Variants in ABCC12 observed in about 807,000 individuals in gnomAD.
ABCC12 encodes the protein ATP binding cassette subfamily C member 12.
Under a neutral mutation model 151.1 loss-of-function variants are expected in ABCC12, and 142 were observed. The ratio of observed to expected loss-of-function variants is 0.94; its 90% CI spans 0.82 to 1.08. The LOEUF (loss-of-function observed/expected upper bound fraction) is 1.08. ABCC12 is among the 50% of genes least tolerant of loss of function. ABCC12 has a pLI of 0.00. For synonymous variants in ABCC12, 645 were observed against 646.4 expected (o/e 1.00, Z 0.03); for missense variants, 1,638 against 1,691.1 (o/e 0.97, Z 0.55).
At chr16:48,140,941 G>A (rs1366346021) in intron 5 of ABCC12, 21 bp from the exon 6 acceptor site, 2 of 1,604,000 alleles carry the variant, frequency 1.2e-6, no homozygotes, top group Admixed American at 3.3e-5. Flanking sequence ...GCATGGTGGG[G>A]AGAAGAGAGG....
chr16:48,101,460 A>T (rs115978441), intron 22 of ABCC12, among the ~76,000 whole-genome samples: 29 of 152,256 alleles, frequency 1.9e-4, no homozygotes, highest in Middle Eastern at 3.4e-3. Flanking sequence ...TTTTGAATGA[A>T]CGTCATTATA....
chr16:48,137,132 G>GC (rs112493768), intron 8 of ABCC12, among the ~76,000 whole-genome samples: 7,899 of 152,244 alleles, frequency 0.052, 696 homozygotes, highest in African/African-American at 0.18. Context: ...TAGATGTCTT[G>GC]CATAGTCCAG....
intron 15 of ABCC12, 57 bp from the exon 16 acceptor site, chr16:48,111,967 A>T (rs1963711242): frequency 6.3e-7 from 1 of 1,580,636 alleles, no homozygotes; most frequent in Non-Finnish European, 8.6e-7. Context: ...GCCCATGCCA[A>T]ACTCCTCTCC....
rs573408353 is a variant in ABCC12 at position 48,139,190 on chromosome 16, T to G, written c.804A>C (p.Ser268=). Residue 268 remains serine (S), a synonymous_variant, in exon 7 of 31, where the codon TCA becomes TCC. Coordinates refer to ENST00000311303, the MANE Select transcript of ABCC12 (RefSeq NM_001393797.1). ...ILGPTALIGI[S]VYVIFIPVQM... ...GGACGGGTATGAATATGACATACAC[T>G]GATATCCCGATGAGAGCTGTGGGCC... 124 of 1,612,246 alleles carry G rather than the reference T, an allele frequency of 7.7e-5. No individual in the cohort carries two copies. Among genetic ancestry groups the G allele is most frequent in the Admixed American group, 3.5e-4 (21 of 59,374 alleles).
intron 9 of ABCC12, 51 bp from the exon 10 acceptor site, chr16:48,130,946 C>T (rs1407389940): frequency 5.9e-6 from 8 of 1,345,602 alleles, no homozygotes; most frequent in African/African-American, 1.4e-5. Context: ...GTCACGTTGG[C>T]TCTAAACCGT....
intron 23 of ABCC12, among the ~76,000 whole-genome samples, chr16:48,098,090 G>GACATAC (rs1963167388): frequency 8.2e-6 from 1 of 121,912 alleles, no homozygotes; most frequent in African/African-American, 3.1e-5. Flanking sequence ...TGCCCCACCT[G>GACATAC]ACACACACAC....
At chr16:48,118,223 G>T (rs16945828) in intron 13 of ABCC12, among the ~76,000 whole-genome samples, 4,885 of 152,308 alleles carry the variant, frequency 0.032, 227 homozygotes, top group African/African-American at 0.11. Context: ...GAGGAACCTA[G>T]GAACGTCCGT....
At chr16:48,091,317 G>GC in intron 24 of ABCC12, 108 bp from the exon 25 acceptor site, 1 of 949,802 alleles carries the variant, frequency 1.1e-6, no homozygotes, top group Non-Finnish European at 1.7e-6. Flanking sequence ...CCTGCCTAGC[G>GC]CAAGACAGCA....
chr16:48,087,970 C>CA lies in ABCC12; in HGVS notation c.3590dup (p.Thr1198AspfsTer22). 6.2e-7 allele frequency: 1 copy of CA among 1,614,214 alleles called. No homozygotes were observed. The highest frequency in any genetic ancestry group is 8.5e-7 in the Non-Finnish European group (1 of 1,180,038). On this transcript the variant is annotated frameshift_variant, in exon 27 of 31. Coordinates refer to ENST00000311303, the MANE Select transcript of ABCC12 (RefSeq NM_001393797.1). LOFTEE classifies it high-confidence loss of function. ...GGACAGGATCCTGTGGGATCACAGT[C>CA]AGCTTGGTTCTGAGGTCTTCCAAGC...
Position 48,138,358 on chromosome 16 carries a change from G to C in ABCC12, c.849C>G (p.Leu283=). 1.2e-6 allele frequency: 2 copies of C among 1,613,408 alleles called. No individual in the cohort carries two copies. The highest frequency in any genetic ancestry group is 1.7e-6 in the Non-Finnish European group (2 of 1,179,480). The change falls in exon 8 of 31, where the codon CTC becomes CTG. Residue 283 remains leucine, a synonymous_variant. Transcript: ENST00000311303. ...FIPVQMFMAK[L]NSAFRRSAIL... is the part of the protein sequence containing the mutation. The stretch of plus-strand genomic sequence containing the variant: ...TTGCTGACCTTCGGAAAGCTGAATT[G>C]AGCTTGGCCATAAACATCTGAAATC...
chr16:48,081,598 C>T lies in ABCC12; in HGVS notation c.*2117G>A, dbSNP rs955233304. Among the ~76,000 whole-genome samples, 1 of 152,190 alleles carries T rather than the reference C, an allele frequency of 6.6e-6. No individual in the cohort carries two copies. Among genetic ancestry groups the T allele is most frequent in the Non-Finnish European group, 1.5e-5 (1 of 68,030 alleles). On this transcript the variant is annotated 3_prime_UTR_variant, in exon 31 of 31. Coordinates refer to ENST00000311303, the MANE Select transcript of ABCC12 (RefSeq NM_001393797.1). ...CCTCAGTGAGCCTCAAATCCCATCT[C>T]ATGGGGTGAGATGAGGATTCAGTGA...
intron 22 of ABCC12, among the ~76,000 whole-genome samples, chr16:48,103,246 G>A (rs1963367958): frequency 6.6e-6 from 1 of 151,974 alleles, no homozygotes; most frequent in South Asian, 2.1e-4. Flanking sequence ...CTGTGCACAG[G>A]TGAAAGCAAG....
intron 3 of ABCC12, 69 bp downstream of exon 3, chr16:48,146,237 C>G: frequency 1.4e-6 from 2 of 1,400,818 alleles, no homozygotes; most frequent in Non-Finnish European, 2.0e-6. Flanking sequence ...AGGAGCAGTG[C>G]CCACTCTCCT....
intron 12 of ABCC12, among the ~76,000 whole-genome samples, chr16:48,123,921 T>A (rs1964152837): frequency 6.6e-6 from 1 of 152,228 alleles, no homozygotes; most frequent in Non-Finnish European, 1.5e-5. Context: ...GGGATAACCA[T>A]GGGTTTAAGG....
intron 18 of ABCC12, among the ~76,000 whole-genome samples, chr16:48,110,430 A>C (rs1363253422): frequency 6.6e-6 from 1 of 152,182 alleles, no homozygotes; most frequent in African/African-American, 2.4e-5. Context: ...ATTGAGGAAC[A>C]GAATAACTTG....
intron 8 of ABCC12, among the ~76,000 whole-genome samples, chr16:48,134,557 G>A (rs1964541820): frequency 6.6e-6 from 1 of 152,174 alleles, no homozygotes; most frequent in African/African-American, 2.4e-5. Flanking sequence ...TCAGAGAAGG[G>A]GGAGCCGAGG....
rs543821839 is a variant in ABCC12 at position 48,106,667 on chromosome 16, T to C, written c.2475+655A>G. ...CCTTTGGTTGTCATAGCAACAGAGC[T>C]GTACCAAATGTAATCTTGGAGGATG... On this transcript the variant is annotated intron_variant, in intron 20 of 30. Transcript: ENST00000311303. Among the ~76,000 whole-genome samples the C allele has an allele frequency of 8.5e-5, 13 of 152,276 alleles. 1 individual carries two copies. In the South Asian group the frequency reaches 2.7e-3, roughly 32 times the overall value.
intron 11 of ABCC12, among the ~76,000 whole-genome samples, chr16:48,126,523 C>T (rs1964246012): frequency 6.6e-6 from 1 of 152,224 alleles, no homozygotes; most frequent in Non-Finnish European, 1.5e-5. Flanking sequence ...TTAAGCTGGA[C>T]ATAATTGTTA....
rs1424119400 is a variant in ABCC12 at position 48,140,803 on chromosome 16, C to T, written c.541G>A (p.Ala181Thr). ...ATEFTKVFFW[A>T]LAWAINYRTA... ...CGGTAGTTGATGGCCCAGGCAAGGG[C>T]CCAAAAGAAGACTTTGGTAAACTCG... is the stretch of plus-strand genomic sequence containing the variant. Residue 181 changes from alanine (A) to threonine (T), a missense_variant, in exon 6 of 31, where the codon GCC becomes ACC. By Grantham distance (58) the Ala-to-Thr change is moderately conservative (BLOSUM62 0). Coordinates refer to ENST00000311303, the MANE Select transcript of ABCC12 (RefSeq NM_001393797.1). 1 of 1,614,140 alleles carries T rather than the reference C, an allele frequency of 6.2e-7. No homozygotes were observed.
Sources: gnomAD v4.1 joint callset for allele counts (sites outside exome capture counted in the v4.1 genomes callset) on GRCh38, gnomAD v4.1.1 for gene constraint, MANE v1.5 for transcripts, NCBI Gene and HGNC (gene_info 2026-07-23, HGNC 2026-07-21) for gene names.